Variants in DMD observed in about 807,000 individuals in gnomAD.
DMD encodes mutant dystrophin.
Under a neutral mutation model 330.1 loss-of-function variants are expected in DMD, and 63 were observed. The observed-to-expected ratio is 0.19, with a 90% CI of 0.16 to 0.24. The LOEUF (loss-of-function observed/expected upper bound fraction) is 0.24, where lower values mean the gene tolerates loss of function less well. Among genes scored for constraint, DMD ranks in the 10% least tolerant of loss-of-function variants. The pLI is 1.00. For synonymous variants in DMD, 1,223 were observed against 959.8 expected, an observed-to-expected ratio of 1.27 and a Z score of -5.07; for missense variants, 3,344 against 2,684.1, an observed-to-expected ratio of 1.25 and a Z score of -5.43.
intron 2 of DMD, among the ~76,000 whole-genome samples, chrX:32,909,182 A>C (rs1186039926): frequency 1.9e-5 from 2 of 108,075 alleles, no homozygotes; most frequent in Non-Finnish European, 1.9e-5. Context: ...AAGTAACCTG[A>C]GTATAACTAT....
chrX:33,079,038 A>AT (rs112757796), intron 1 of DMD, among the ~76,000 whole-genome samples: 15,557 of 109,149 alleles, frequency 0.14, 993 homozygotes, highest in Middle Eastern at 0.24. Context: ...TATTAAAACC[A>AT]TTTTTTTTTG....
At chrX:32,834,031 T>A (rs753566542) in intron 4 of DMD, among the ~76,000 whole-genome samples, 4 of 111,452 alleles carry the variant, frequency 3.6e-5, no homozygotes, top group Admixed American at 9.6e-5. Flanking sequence ...AATACGAGAT[T>A]ATGTTTGTAT....
intron 15 of DMD, among the ~76,000 whole-genome samples, chrX:32,568,578 T>C (rs1232719140): frequency 9.0e-6 from 1 of 110,966 alleles, no homozygotes; most frequent in African/African-American, 3.3e-5. Context: ...TATAATTACA[T>C]TGTGTGATTA....
chrX:31,913,192 G>A (rs1261352182), intron 47 of DMD, among the ~76,000 whole-genome samples: 3 of 111,948 alleles, frequency 2.7e-5, no homozygotes, highest in Admixed American at 9.5e-5. Flanking sequence ...ATGAGAAATC[G>A]TAAAACTATC....
chrX:31,383,031 T>A (rs369240242), intron 60 of DMD, among the ~76,000 whole-genome samples: 1 of 109,791 alleles, frequency 9.1e-6, no homozygotes, highest in African/African-American at 3.5e-5. Context: ...TTAAATGGCC[T>A]GTTCCTGCCT....
At chrX:32,799,572 G>A (rs1167479533) in intron 7 of DMD, among the ~76,000 whole-genome samples, 1 of 107,741 alleles carries the variant, frequency 9.3e-6, no homozygotes, top group Admixed American at 1.0e-4. Context: ...AGCTGACAAA[G>A]CACTCTCTTA....
At chrX:31,255,042 CA>C (rs200072850) in intron 63 of DMD, among the ~76,000 whole-genome samples, 1,378 of 46,757 alleles carry the variant, frequency 0.029, 23 homozygotes, top group African/African-American at 0.087. Context: ...AAGATGCTGT[CA>C]AAAAAAAAAA....
chrX:31,261,272 C>A, intron 62 of DMD: 1 of 349,137 alleles, frequency 2.9e-6, no homozygotes, highest in Non-Finnish European at 5.1e-6. Flanking sequence ...TTTGCACCCA[C>A]AAATCGATCG....
intron 50 of DMD, among the ~76,000 whole-genome samples, chrX:31,789,803 C>A (rs2091484007): frequency 9.0e-6 from 1 of 111,154 alleles, no homozygotes; most frequent in Non-Finnish European, 1.9e-5. Context: ...TAGCTTATTG[C>A]ATGAAATTAA....
At chrX:32,829,282 A>T (rs903755536) in intron 4 of DMD, among the ~76,000 whole-genome samples, 1 of 111,806 alleles carries the variant, frequency 8.9e-6, no homozygotes, top group Non-Finnish European at 1.9e-5. Context: ...ACTCTTCAAC[A>T]GTACACCTTT....
chrX:31,701,136 T>A (rs1298779287), intron 52 of DMD, among the ~76,000 whole-genome samples: 1 of 112,433 alleles, frequency 8.9e-6, no homozygotes, highest in Non-Finnish European at 1.9e-5. Context: ...ACATCAAATT[T>A]GATGCATTTG....
At chrX:32,727,565 G>C (rs1272764488) in intron 7 of DMD, among the ~76,000 whole-genome samples, 2 of 110,177 alleles carry the variant, frequency 1.8e-5, no homozygotes, top group Non-Finnish European at 3.8e-5. Flanking sequence ...TAAAATACTT[G>C]ACGTTCCTAT....
intron 7 of DMD, among the ~76,000 whole-genome samples, chrX:32,762,685 C>G (rs763064430): frequency 1.4e-3 from 159 of 109,786 alleles, no homozygotes; most frequent in African/African-American, 5.0e-3. Context: ...CTTGCTTGAC[C>G]GGAGCCTGGT....
At chrX:32,383,152 T>A (rs1199365697) in intron 33 of DMD, among the ~76,000 whole-genome samples, 2 of 110,727 alleles carry the variant, frequency 1.8e-5, no homozygotes, top group Non-Finnish European at 3.8e-5. Context: ...TCCCCACTCA[T>A]CACCATGTAA....
intron 21 of DMD, among the ~76,000 whole-genome samples, chrX:32,480,587 C>T (rs1217437894): frequency 2.7e-5 from 3 of 111,097 alleles, no homozygotes; most frequent in African/African-American, 9.8e-5. Context: ...AGTATTTACA[C>T]AGTATGTGTC....
intron 2 of DMD, among the ~76,000 whole-genome samples, chrX:32,869,483 G>A (rs1258602887): frequency 1.8e-5 from 2 of 110,011 alleles, no homozygotes; most frequent in African/African-American, 6.6e-5. Context: ...CTAACCCAAT[G>A]CAAAGAAGTT....
At chrX:32,027,183 C>CACACAGAG (rs774715155) in intron 44 of DMD, among the ~76,000 whole-genome samples, 74 of 97,524 alleles carry the variant, frequency 7.6e-4, no homozygotes, top group South Asian at 2.7e-3. Context: ...CACACACACA[C>CACACAGAG]AGAGAGAGAG....
intron 60 of DMD, among the ~76,000 whole-genome samples, chrX:31,349,220 T>C (rs2058260275): frequency 8.9e-6 from 1 of 112,549 alleles, no homozygotes; most frequent in African/African-American, 3.2e-5. Context: ...GTTGGCTGGA[T>C]CACTTGAGGT....
intron 49 of DMD, among the ~76,000 whole-genome samples, chrX:31,831,748 G>T (rs756067213): frequency 1.6e-4 from 18 of 110,540 alleles, no homozygotes; most frequent in African/African-American, 6.0e-4. Flanking sequence ...ACAGATGCCT[G>T]CCACCAAGCC....
Sources: gnomAD v4.1 joint callset for allele counts (sites outside exome capture counted in the v4.1 genomes callset) on GRCh38, gnomAD v4.1.1 for gene constraint, MANE v1.5 for transcripts, NCBI Gene and HGNC (gene_info 2026-07-23, HGNC 2026-07-21) for gene names.